The following MAS1 variants were observed in gnomAD, a reference collection of about 807,000 sequenced individuals.
The protein encoded by MAS1 is proto-oncogene Mas.
For synonymous variants in MAS1, 163 were observed against 164.2 expected (o/e 0.99, Z 0.05); for missense variants, 387 against 409.7 (o/e 0.94, Z 0.48).
intron 1 of MAS1, among the ~76,000 whole-genome samples, chr6:159,894,610 C>T (rs1418570374): frequency 1.3e-5 from 2 of 152,048 alleles, no homozygotes; most frequent in African/African-American, 4.8e-5. Context: ...AGTGGGGTTC[C>T]ATAGCAACAT....
upstream of MAS1, among the ~76,000 whole-genome samples, chr6:159,890,155 C>A (rs1007468532): frequency 1.9e-4 from 29 of 152,138 alleles, no homozygotes; most frequent in African/African-American, 6.8e-4. Flanking sequence ...GAATTCTCAG[C>A]CTTTGGGGCT....
chr6:159,903,287 A>AC (rs1782845240), intron 2 of MAS1, among the ~76,000 whole-genome samples: 1 of 151,084 alleles, frequency 6.6e-6, no homozygotes, highest in Admixed American at 6.6e-5. Context: ...GCTTCCTTTG[A>AC]CCCCCACTCT....
rs1371852381 is a variant in MAS1 at position 159,914,573 on chromosome 6, A to T, written c.*6640A>T. On this transcript the variant is annotated 3_prime_UTR_variant, in exon 3 of 3. Coordinates refer to ENST00000674077, the MANE Select transcript of MAS1 (RefSeq NM_002377.4). ...CTTTTTGTTGTTTCCAGGCCAGGGG[A>T]GGGCTCTCGAGTATACCTAGGCTCG... The T allele has an allele frequency of 2.0e-5, 3 of 152,136 alleles. No individual in the cohort carries two copies. Among genetic ancestry groups the T allele is most frequent in the Non-Finnish European group, 4.4e-5 (3 of 68,056 alleles). 9.4% of individuals were successfully genotyped at this position (152,136 alleles called of 1,614,324 possible).
upstream of MAS1, among the ~76,000 whole-genome samples, chr6:159,890,682 G>A (rs894825022): frequency 1.3e-5 from 2 of 152,194 alleles, no homozygotes; most frequent in African/African-American, 2.4e-5. Context: ...CTTGGCAGAG[G>A]TCACATAACT....
rs1272684026 is a variant in MAS1, at chr6:159,906,275, G to A, written c.-36-645G>A. 2.0e-5 allele frequency among the ~76,000 whole-genome samples: 3 copies of A among 152,180 alleles called. No homozygotes were observed. In the East Asian group the frequency reaches 5.8e-4, roughly 29 times the overall value. ...CATCCAGTCCACACATCAATGGCTT[G>A]CCTGGCTTACGTAGTCTGAGCAGGT... On this transcript the variant is annotated intron_variant, in intron 2 of 2. Coordinates refer to ENST00000674077, the MANE Select transcript of MAS1 (RefSeq NM_002377.4).
At chr6:159,899,510 G>C (rs1782798378) in intron 2 of MAS1, 118 bp downstream of exon 2, 1 of 152,346 alleles carries the variant, frequency 6.6e-6, no homozygotes, top group Non-Finnish European at 1.5e-5. Flanking sequence ...AGGATGGCTT[G>C]AGCCCAGGAG....
At position 159,911,495 on chromosome 6, in the gene MAS1, G is replaced by A. The variant is rs75554308; in HGVS notation, c.*3562G>A. ...GATTACAGGAGTGAGCCACTGCGCCGGGCCTGCCCCTATTCTTTTTTCAGT... is the reference window on the plus strand; with the variant it reads ...GATTACAGGAGTGAGCCACTGCGCCAGGCCTGCCCCTATTCTTTTTTCAGT... On this transcript the variant is annotated 3_prime_UTR_variant, in exon 3 of 3. Transcript: ENST00000674077. 4,045 of 152,260 alleles carry A rather than the reference G, an allele frequency of 0.027. 80 individuals are homozygous for A. The highest frequency in any genetic ancestry group is 0.033 in the Non-Finnish European group (2,293 of 68,504). The allele number at this position is 152,260 out of a possible 1,614,324, so 9.4% of individuals were successfully genotyped here. A position where few individuals can be genotyped will look rare whatever the true frequency, so the allele number is the denominator to read the frequency against.
intron 2 of MAS1, among the ~76,000 whole-genome samples, chr6:159,901,881 A>T (rs1782826161): frequency 1.3e-5 from 2 of 152,094 alleles, no homozygotes; most frequent in Admixed American, 1.3e-4. Context: ...TAATGAAAGA[A>T]GATGCAATTT....
chr6:159,892,256 A>G (rs1448946937), intron 1 of MAS1, among the ~76,000 whole-genome samples: 1 of 152,102 alleles, frequency 6.6e-6, no homozygotes, highest in African/African-American at 2.4e-5. Flanking sequence ...TCCATCTCAC[A>G]AATGGGTTTC....
At chr6:159,889,451 T>C (rs1782673624), upstream of MAS1, among the ~76,000 whole-genome samples, 2 of 152,096 alleles carry the variant, frequency 1.3e-5, no homozygotes, top group South Asian at 2.1e-4. Context: ...TCGTATCCCA[T>C]CTCCTTCATC....
intron 1 of MAS1, among the ~76,000 whole-genome samples, chr6:159,892,170 G>C (rs1782706832): frequency 6.6e-6 from 1 of 152,186 alleles, no homozygotes. Context: ...GGGAAGACGG[G>C]AATGATGCAT....
At chr6:159,902,907 T>C (rs1782839082) in intron 2 of MAS1, among the ~76,000 whole-genome samples, 1 of 152,188 alleles carries the variant, frequency 6.6e-6, no homozygotes, top group African/African-American at 2.4e-5. Flanking sequence ...TTCTCAGCGA[T>C]TTCAGCATCT....
chr6:159,905,228 AT>A (rs1782871050), intron 2 of MAS1, among the ~76,000 whole-genome samples: 1 of 152,168 alleles, frequency 6.6e-6, no homozygotes, highest in Non-Finnish European at 1.5e-5. Context: ...CATGGGCTAA[AT>A]GTGTGGGGGG....
rs1783020859 is a variant in MAS1 at position 159,916,191 on chromosome 6, A to G, written c.*8258A>G. 2 of 152,252 alleles carry G rather than the reference A, an allele frequency of 1.3e-5. No homozygotes were observed. The highest frequency in any genetic ancestry group is 4.8e-5 in the African/African-American group (2 of 41,464). The allele number at this position is 152,252 out of a possible 1,614,324, so 9.4% of individuals were successfully genotyped here. On this transcript the variant is annotated 3_prime_UTR_variant, in exon 3 of 3. Coordinates refer to ENST00000674077, the MANE Select transcript of MAS1 (RefSeq NM_002377.4). ...CTGTGTAAACTTTCAAGCATCAAGC[A>G]AATGTTAGTTATTTCTTGAGGACGT...
Position 159,906,971 on chromosome 6 carries a change from G to A in MAS1, c.16G>A (p.Val6Met), listed in dbSNP as rs369549897. ...AGGCCTCCTCATGGATGGGTCAAACGTGACATCATTTGTTGTTGAGGAACC... is the reference window on the plus strand; with the variant it reads ...AGGCCTCCTCATGGATGGGTCAAACATGACATCATTTGTTGTTGAGGAACC... MDGSN[V>M]TSFVVEEPTN... The change falls in exon 3 of 3, where the codon GTG becomes ATG. Residue 6 changes from valine to methionine, a missense_variant. Transcript: ENST00000674077. 8.0e-5 allele frequency: 128 copies of A among 1,605,802 alleles called. 3 individuals carry two copies. The highest frequency in any genetic ancestry group is 5.0e-4 in the Middle Eastern group (3 of 6,026).
At chr6:159,896,153 A>G (rs950678669) in intron 1 of MAS1, among the ~76,000 whole-genome samples, 1 of 137,052 alleles carries the variant, frequency 7.3e-6, no homozygotes, top group African/African-American at 2.5e-5. Context: ...TACAAAAAAT[A>G]CAAAAACTCA....
At chr6:159,898,681 CCTCCCTCTTCCTCCTCCTT>C (rs1782789214) in intron 1 of MAS1, among the ~76,000 whole-genome samples, 1 of 146,744 alleles carries the variant, frequency 6.8e-6, no homozygotes, top group African/African-American at 2.5e-5. Flanking sequence ...TCTTCCTCCT[CCTCCCTCTTCCTCCTCCTT>C]CATCCTCCTC....
Position 159,908,005 on chromosome 6 carries a change from T to C in MAS1, c.*72T>C. On this transcript the variant is annotated 3_prime_UTR_variant, in exon 3 of 3. Transcript: ENST00000674077. ...TTTTAGTTTGTGCTTGGAATATGAC[T>C]TAAGTATCTCCTAAATGTGATACAG... 6.8e-7 allele frequency: 1 copy of C among 1,476,326 alleles called. No homozygotes were observed. Among genetic ancestry groups the C allele is most frequent in the Admixed American group, 2.2e-5 (1 of 44,910 alleles). The allele number at this position is 1,476,326 out of a possible 1,614,324, so 91.5% of individuals were successfully genotyped here. A position where few individuals can be genotyped will look rare whatever the true frequency, so the allele number is the denominator to read the frequency against.
Position 159,907,876 on chromosome 6 carries a change from G to T in MAS1, c.921G>T (p.Met307Ile), listed in dbSNP as rs1472805036. Residue 307 changes from methionine (M) to isoleucine (I), a missense_variant, in exon 3 of 3, where the codon ATG becomes ATT. By Grantham distance (10) the Met-to-Ile change is conservative. Coordinates refer to ENST00000674077, the MANE Select transcript of MAS1 (RefSeq NM_002377.4). ...VVLTRAFKDE[M>I]QPRRQKDNCN... Reference sequence around the variant, plus strand: ...TGACCAGGGCTTTCAAAGATGAAATGCAACCTCGGCGCCAGAAAGACAATT... The same window carrying T: ...TGACCAGGGCTTTCAAAGATGAAATTCAACCTCGGCGCCAGAAAGACAATT... 1 of 1,611,088 alleles carries T rather than the reference G, an allele frequency of 6.2e-7. No individual in the cohort carries two copies. Among genetic ancestry groups the T allele is most frequent in the African/African-American group, 1.3e-5 (1 of 74,088 alleles).
Sources: allele counts gnomAD v4.1 joint callset (sites outside exome capture counted in the v4.1 genomes callset), GRCh38; gene constraint gnomAD v4.1.1; transcripts MANE v1.5; gene names NCBI Gene and HGNC (gene_info 2026-07-23, HGNC 2026-07-21).